STK32B: variants seen among roughly 807,000 people sequenced by gnomAD.
The protein encoded by STK32B is serine/threonine kinase 32B, also known as serine/threonine-protein kinase 32B.
STK32B carries 43 observed loss-of-function variants against 52.6 expected under a neutral mutation model. The ratio of observed to expected loss-of-function variants is 0.82; its 90% CI spans 0.64 to 1.05. The LOEUF (loss-of-function observed/expected upper bound fraction) is 1.05, where lower values mean the gene tolerates loss of function less well. Among genes scored for constraint, STK32B ranks in the 50% least tolerant of loss-of-function variants. The pLI is 0.00. For synonymous variants in STK32B, 238 were observed against 204.3 expected, an observed-to-expected ratio of 1.17 and a Z score of -1.41; for missense variants, 621 against 534.6, an observed-to-expected ratio of 1.16 and a Z score of -1.59.
intron 1 of STK32B, among the ~76,000 whole-genome samples, chr4:5,068,775 C>A (rs1327518347): frequency 6.6e-6 from 1 of 151,778 alleles, no homozygotes; most frequent in Non-Finnish European, 1.5e-5. Context: ...TAAATTGGAG[C>A]CAGATTGTGA....
chr4:5,142,592 T>G (rs1476203424), intron 2 of STK32B, among the ~76,000 whole-genome samples: 3 of 152,202 alleles, frequency 2.0e-5, no homozygotes, highest in African/African-American at 7.2e-5. Flanking sequence ...TTAACAGACA[T>G]TCACTGGGCC....
intron 6 of STK32B, among the ~76,000 whole-genome samples, chr4:5,417,301 C>A (rs1386991320): frequency 6.6e-6 from 1 of 152,188 alleles, no homozygotes; most frequent in Non-Finnish European, 1.5e-5. Flanking sequence ...ACACAGTGTT[C>A]TTTCAATGTG....
intron 3 of STK32B, among the ~76,000 whole-genome samples, chr4:5,303,242 T>C (rs1362146417): frequency 1.3e-5 from 2 of 152,124 alleles, no homozygotes; most frequent in Non-Finnish European, 2.9e-5. Flanking sequence ...CTTTTAGTTC[T>C]TTAAGGAATC....
chr4:5,411,185 G>A (rs909023643), intron 5 of STK32B, among the ~76,000 whole-genome samples: 2 of 152,104 alleles, frequency 1.3e-5, no homozygotes, highest in Non-Finnish European at 2.9e-5. Flanking sequence ...ACAGGTGCCC[G>A]CCACCATGCC....
At chr4:5,135,986 TTC>T (rs1218498574) in intron 1 of STK32B, among the ~76,000 whole-genome samples, 1 of 152,180 alleles carries the variant, frequency 6.6e-6, no homozygotes, top group East Asian at 1.9e-4. Flanking sequence ...ACCTAGAAAC[TTC>T]TTAGAAATGC....
intron 3 of STK32B, among the ~76,000 whole-genome samples, chr4:5,172,513 C>A (rs1450656255): frequency 6.6e-6 from 1 of 151,996 alleles, no homozygotes; most frequent in South Asian, 2.1e-4. Flanking sequence ...GAGTTTTTAG[C>A]ATGAAGGGTT....
chr4:5,498,833 G>C (rs1469294218), intron 11 of STK32B, 112 bp from the exon 12 acceptor site: 1 of 1,406,358 alleles, frequency 7.1e-7, no homozygotes, highest in East Asian at 2.6e-5. Flanking sequence ...CCCAGGTAGG[G>C]GAAGGTTTGA....
intron 6 of STK32B, among the ~76,000 whole-genome samples, chr4:5,420,206 G>A (rs1712506045): frequency 1.3e-5 from 2 of 152,118 alleles, no homozygotes. Flanking sequence ...TCTCAACCTG[G>A]ACTCCCATGA....
chr4:5,411,796 G>A (rs1198553028), intron 5 of STK32B, among the ~76,000 whole-genome samples: 3 of 151,968 alleles, frequency 2.0e-5, no homozygotes, highest in Admixed American at 2.0e-4. Flanking sequence ...CAGACTACTG[G>A]ACTTTGCAAC....
At chr4:5,125,046 A>T (rs982332865) in intron 1 of STK32B, among the ~76,000 whole-genome samples, 11 of 152,160 alleles carry the variant, frequency 7.2e-5, no homozygotes, top group Non-Finnish European at 1.5e-5. Flanking sequence ...AGTATACTAG[A>T]CAAGCCTCTA....
At chr4:5,226,147 A>T (rs894539975) in intron 3 of STK32B, among the ~76,000 whole-genome samples, 2 of 152,216 alleles carry the variant, frequency 1.3e-5, no homozygotes, top group Non-Finnish European at 2.9e-5. Context: ...AAGAAATATC[A>T]TGTGTAAGCA....
Position 5,460,325 on chromosome 4 carries a change from C to T in STK32B, c.909+97C>T. On this transcript the variant is annotated intron_variant, in intron 9 of 11. Coordinates refer to ENST00000282908, the MANE Select transcript of STK32B (RefSeq NM_018401.3). This position sits in a 1 kb window ranked among gnomAD's most constrained non-coding sequence, Gnocchi z 4.8. ...TGGCAGCTGGCTAGTGAGCCCTCTGCTGGCCACTTCCACCTGAGCACCAAG... is the reference window on the plus strand; with the variant it reads ...TGGCAGCTGGCTAGTGAGCCCTCTGTTGGCCACTTCCACCTGAGCACCAAG... The T allele has an allele frequency of 6.6e-7, 1 of 1,507,854 alleles. No homozygotes were observed. The highest frequency in any genetic ancestry group is 8.9e-7 in the Non-Finnish European group (1 of 1,125,528). The allele number at this position is 1,507,854 out of a possible 1,614,324, so 93.4% of individuals were successfully genotyped here.
intron 1 of STK32B, among the ~76,000 whole-genome samples, chr4:5,079,077 T>G (rs1415007638): frequency 6.6e-6 from 1 of 152,214 alleles, no homozygotes; most frequent in Non-Finnish European, 1.5e-5. Flanking sequence ...CCAAACTTTT[T>G]TTAGTAAGCT....
At chr4:5,442,327 C>A (rs1714864185) in intron 6 of STK32B, among the ~76,000 whole-genome samples, 1 of 152,092 alleles carries the variant, frequency 6.6e-6, no homozygotes, top group African/African-American at 2.4e-5. Flanking sequence ...GTTAGCTCTT[C>A]TTGTTGAATT....
intron 3 of STK32B, among the ~76,000 whole-genome samples, chr4:5,241,815 G>A (rs1725047200): frequency 6.6e-6 from 1 of 152,116 alleles, no homozygotes; most frequent in Non-Finnish European, 1.5e-5. Flanking sequence ...TTATCAGTGA[G>A]AACATGCGGT....
chr4:5,411,331 G>A (rs1218993811), intron 5 of STK32B, among the ~76,000 whole-genome samples: 2 of 151,968 alleles, frequency 1.3e-5, no homozygotes, highest in African/African-American at 2.4e-5. Context: ...CACTGTGCCC[G>A]GCCAGGGCCC....
At chr4:5,458,361 G>A (rs16837305) in intron 8 of STK32B, among the ~76,000 whole-genome samples, 6,103 of 152,268 alleles carry the variant, frequency 0.04, 209 homozygotes, top group South Asian at 0.083. Flanking sequence ...GCACTGTTTA[G>A]GGTCCTGCGT....
chr4:5,247,524 G>A (rs891770743), intron 3 of STK32B, among the ~76,000 whole-genome samples: 2 of 152,200 alleles, frequency 1.3e-5, no homozygotes, highest in African/African-American at 4.8e-5. Flanking sequence ...CACTTCTCGG[G>A]TGAGGCGATG....
At chr4:5,410,667 A>G (rs1333040284) in intron 5 of STK32B, among the ~76,000 whole-genome samples, 1 of 152,222 alleles carries the variant, frequency 6.6e-6, no homozygotes, top group East Asian at 1.9e-4. Context: ...ACGTGGGGTT[A>G]TTCCATCAGG....
Sources: allele counts gnomAD v4.1 joint callset (sites outside exome capture counted in the v4.1 genomes callset), GRCh38; gene constraint gnomAD v4.1.1; non-coding constraint Gnocchi (gnomAD v3.1); transcripts MANE v1.5; gene names NCBI Gene and HGNC (gene_info 2026-07-23, HGNC 2026-07-21).